OXSR1: variants seen among roughly 807,000 people sequenced by gnomAD.
The protein encoded by OXSR1 is serine/threonine-protein kinase OSR1.
In OXSR1, 24 loss-of-function variants were observed where a neutral mutation model predicts 79.8. That is an observed-to-expected ratio of 0.30 (90% confidence interval 0.22 to 0.42). The LOEUF is 0.42. OXSR1 is among the 10% of genes least tolerant of loss of function. The pLI, the probability that OXSR1 is intolerant of heterozygous loss-of-function variation, is 1.00. For synonymous variants in OXSR1, 226 were observed against 209.2 expected, an observed-to-expected ratio of 1.08 and a Z score of -0.69; for missense variants, 430 against 618.4, an observed-to-expected ratio of 0.70 and a Z score of 3.23.
rs989060320 is a variant in OXSR1, at chr3:38,165,601, C to T, written c.-276C>T. The stretch of plus-strand genomic sequence containing the variant: ...GGCTGGGCCCAGGCAAAGCTTCTGT[C>T]GCTGCTGCTGCGGAGGCCGAGGACA... On this transcript the variant is annotated 5_prime_UTR_variant, in exon 1 of 18. Transcript: ENST00000311806. 25 of 428,702 alleles carry T rather than the reference C, an allele frequency of 5.8e-5. No individual in the cohort carries two copies. The highest frequency in any genetic ancestry group is 9.5e-5 in the South Asian group (3 of 31,554). The allele number at this position is 428,702 out of a possible 1,614,324, so 26.6% of individuals were successfully genotyped here.
At chr3:38,189,103 A>G (rs1369559825) in intron 2 of OXSR1, among the ~76,000 whole-genome samples, 1 of 152,172 alleles carries the variant, frequency 6.6e-6, no homozygotes, top group African/African-American at 2.4e-5. Context: ...ATATGTACCT[A>G]TCATCTTGTA....
chr3:38,243,003 GTTATTTATTTATTTATTTAT>G (rs34493594), intron 12 of OXSR1, among the ~76,000 whole-genome samples: 7 of 146,166 alleles, frequency 4.8e-5, no homozygotes, highest in Admixed American at 1.4e-4. Flanking sequence ...GAAGTGAAAA[GTTATTTATTTATTTATTTAT>G]TTATTTATTT....
chr3:38,164,357 G>T (rs1295245131), upstream of OXSR1, among the ~76,000 whole-genome samples: 1 of 152,132 alleles, frequency 6.6e-6, no homozygotes, highest in Non-Finnish European at 1.5e-5. Flanking sequence ...TGTTGGTCAG[G>T]ATGGTCTCGA....
In OXSR1 at chr3:38,198,789, A is replaced by C; in HGVS notation, c.360A>C (p.Glu120Asp). Residue 120 changes from glutamate (E) to aspartate (D), a missense_variant, in exon 4 of 18, where the codon GAA becomes GAC. By Grantham distance (45) the Glu-to-Asp change is conservative (BLOSUM62 2). Around this residue, in one of 3 missense-constraint regions of OXSR1, gnomAD observed 145 missense variants for 228.3 expected, o/e 0.64. Coordinates refer to ENST00000311806, the MANE Select transcript of OXSR1 (RefSeq NM_005109.3). ...AACACAAAAGTGGAGTCCTAGATGA[A>C]TCTACCATTGCTACGATACTCCGAG... is the stretch of plus-strand genomic sequence containing the variant. ...KGEHKSGVLD[E>D]STIATILREV... 1 of 1,613,138 alleles carries C rather than the reference A, an allele frequency of 6.2e-7. No individual in the cohort carries two copies. The highest frequency in any genetic ancestry group is 8.5e-7 in the Non-Finnish European group (1 of 1,179,144).
chr3:38,230,877 T>A (rs1472116094), intron 10 of OXSR1, among the ~76,000 whole-genome samples: 1 of 152,218 alleles, frequency 6.6e-6, no homozygotes, highest in Non-Finnish European at 1.5e-5. Context: ...CTTTAATATC[T>A]CAGTTTGGGC....
At chr3:38,222,557 A>C (rs530498839) in intron 6 of OXSR1, among the ~76,000 whole-genome samples, 1 of 152,288 alleles carries the variant, frequency 6.6e-6, no homozygotes, top group East Asian at 1.9e-4. Flanking sequence ...AGGGCAGCAC[A>C]TACTATTGAT....
intron 15 of OXSR1, 39 bp from the exon 16 acceptor site, chr3:38,251,364 C>T (rs570004849): frequency 3.4e-5 from 53 of 1,548,466 alleles, no homozygotes; most frequent in Admixed American, 8.4e-5. Context: ...GTGGCAAGCA[C>T]GCACAAAAAA....
At position 38,234,355 on chromosome 3, in the gene OXSR1, A is replaced by G. The variant is rs576165775; in HGVS notation, c.952-2484A>G. 1.4e-3 allele frequency among the ~76,000 whole-genome samples: 215 copies of G among 152,320 alleles called. 1 individual carries two copies. Among genetic ancestry groups the G allele is most frequent in the African/African-American group, 5.0e-3 (208 of 41,576 alleles). On this transcript the variant is annotated intron_variant, in intron 10 of 17. Transcript: ENST00000311806. ...TAATTATTTGCAAATCATATATATG[A>G]TAAGGGACTTGTATCTAGAATATAT... is the stretch of plus-strand genomic sequence containing the variant.
chr3:38,247,553 C>A (rs1050985594), intron 13 of OXSR1, 115 bp from the exon 14 acceptor site: 12 of 705,268 alleles, frequency 1.7e-5, no homozygotes, highest in Non-Finnish European at 2.8e-5. Flanking sequence ...AGTATGACCT[C>A]AGCTGGAGAT....
At chr3:38,213,514 A>G (rs1056897069) in intron 4 of OXSR1, among the ~76,000 whole-genome samples, 5 of 152,178 alleles carry the variant, frequency 3.3e-5, no homozygotes, top group Admixed American at 6.5e-5. Context: ...TGGGACTGAA[A>G]AAGGACATTA....
At chr3:38,233,381 C>T (rs1702851089) in intron 10 of OXSR1, among the ~76,000 whole-genome samples, 1 of 152,148 alleles carries the variant, frequency 6.6e-6, no homozygotes, top group African/African-American at 2.4e-5. Flanking sequence ...GGGAAATGCT[C>T]ACCCACATCA....
chr3:38,212,775 A>C (rs1405188266), intron 4 of OXSR1, among the ~76,000 whole-genome samples: 1 of 152,190 alleles, frequency 6.6e-6, no homozygotes, highest in African/African-American at 2.4e-5. Context: ...TTAAGAGTGG[A>C]TAGAGGATTT....
chr3:38,187,750 A>G (rs1701909792), intron 2 of OXSR1, among the ~76,000 whole-genome samples: 1 of 151,990 alleles, frequency 6.6e-6, no homozygotes, highest in Non-Finnish European at 1.5e-5. Flanking sequence ...TATTTATTTT[A>G]TTAATTTATT....
chr3:38,228,576 CGTTT>C (rs915553469), intron 8 of OXSR1, among the ~76,000 whole-genome samples: 4 of 151,226 alleles, frequency 2.6e-5, no homozygotes, highest in Non-Finnish European at 5.9e-5. Context: ...TTTGTTTGTT[CGTTT>C]GTTTGTTTTT....
At position 38,242,792 on chromosome 3, in the gene OXSR1, A is replaced by AT. The variant is rs1295384857; in HGVS notation, c.1110+16dup. 1 of 1,472,228 alleles carries AT rather than the reference A, an allele frequency of 6.8e-7. No individual in the cohort carries two copies. Among genetic ancestry groups the AT allele is most frequent in the Admixed American group, 1.8e-5 (1 of 55,456 alleles). 91.2% of individuals were successfully genotyped at this position (1,472,228 alleles called of 1,614,324 possible). A position where few individuals can be genotyped will look rare whatever the true frequency, so the allele number is the denominator to read the frequency against. ...TCAAATTCTGAGGTAAGTAATTGTGATTATTGAATCCTTGTTAAAGTAAAT... is the reference window on the plus strand; with the variant it reads ...TCAAATTCTGAGGTAAGTAATTGTGATTTATTGAATCCTTGTTAAAGTAAAT... On this transcript the variant is annotated intron_variant, in intron 12 of 17. Coordinates refer to ENST00000311806, the MANE Select transcript of OXSR1 (RefSeq NM_005109.3).
In OXSR1 at chr3:38,185,927, A is replaced by G. The variant is rs369066027; in HGVS notation, c.183+2812A>G. On this transcript the variant is annotated intron_variant, in intron 2 of 17. Coordinates refer to ENST00000311806, the MANE Select transcript of OXSR1 (RefSeq NM_005109.3). ...GCCACTGCATGCCAGCCTGGGTGAC[A>G]CAGAGTGAGGCCCTGTCTCAAAAAA... Among the ~76,000 whole-genome samples, 46 of 136,072 alleles carry G rather than the reference A, an allele frequency of 3.4e-4. 2 individuals carry two copies. The South Asian group carries it at 0.012, about 35-fold the overall frequency. The allele number at this position is 136,072 out of a possible 152,430, so 89.3% of individuals were successfully genotyped here.
At chr3:38,168,941 A>C (rs1050536680) in intron 1 of OXSR1, among the ~76,000 whole-genome samples, 6 of 152,140 alleles carry the variant, frequency 3.9e-5, no homozygotes, top group Non-Finnish European at 7.3e-5. Flanking sequence ...ACATCAAGTC[A>C]CCCCATGAAT....
At chr3:38,213,646 T>A (rs908055589) in intron 4 of OXSR1, among the ~76,000 whole-genome samples, 3 of 152,218 alleles carry the variant, frequency 2.0e-5, no homozygotes, top group African/African-American at 7.2e-5. Context: ...TAGGGGAAAC[T>A]AAGTGTGAGG....
intron 10 of OXSR1, among the ~76,000 whole-genome samples, chr3:38,232,424 C>T (rs1395508905): frequency 6.6e-6 from 1 of 151,596 alleles, no homozygotes; most frequent in African/African-American, 2.4e-5. Flanking sequence ...TATTTCCACC[C>T]TCCTGCCAAA....
Sources: gnomAD v4.1 joint callset for allele counts (sites outside exome capture counted in the v4.1 genomes callset) on GRCh38, gnomAD v4.1.1 for gene constraint, gnomAD v4.1.1 regional missense constraint, MANE v1.5 for transcripts, NCBI Gene and HGNC (gene_info 2026-07-23, HGNC 2026-07-21) for gene names.